JMJD1C: variants seen among roughly 807,000 people sequenced by gnomAD.
JMJD1C encodes jumonji domain-containing protein 1C.
Under a neutral mutation model 245.3 loss-of-function variants are expected in JMJD1C, and 31 were observed. That is an observed-to-expected ratio of 0.13 (90% CI 0.09 to 0.17). JMJD1C has a LOEUF of 0.17. Among genes scored for constraint, JMJD1C ranks in the 10% least tolerant of loss-of-function variants. JMJD1C has a pLI of 1.00. For missense variants in JMJD1C, 2,691 were observed against 3,000.2 expected (o/e 0.90, Z 2.41); for synonymous variants, 1,057 against 1,017.4 (o/e 1.04, Z -0.74).
chr10:63,442,468 T>C (rs1317605082), intron 1 of JMJD1C, among the ~76,000 whole-genome samples: 1 of 152,188 alleles, frequency 6.6e-6, no homozygotes, highest in Non-Finnish European at 1.5e-5. Flanking sequence ...AAGAAGAGAC[T>C]TAGGTCATTA....
intron 24 of JMJD1C, among the ~76,000 whole-genome samples, chr10:63,170,072 T>C (rs1842209019): frequency 6.6e-6 from 1 of 152,208 alleles, no homozygotes; most frequent in Admixed American, 6.5e-5. Context: ...AAAGAACTTT[T>C]GGTATATCTA....
At chr10:63,513,917 G>A (rs1393395285) in intron 1 of JMJD1C, among the ~76,000 whole-genome samples, 2 of 151,498 alleles carry the variant, frequency 1.3e-5, no homozygotes, top group East Asian at 3.9e-4. Context: ...TAGCTCAAAA[G>A]ATAAAATAAA....
Position 63,215,283 on chromosome 10 carries a change from T to C in JMJD1C, c.995A>G (p.Tyr332Cys). Residue 332 changes from tyrosine (Y) to cysteine (C), a missense_variant, in exon 7 of 26, where the codon TAT (tyrosine) becomes TGT (cysteine). This residue lies in a region of JMJD1C where 1,562 missense variants were observed against 1,490.7 expected (regional missense o/e 1.05). Transcript: ENST00000399262. ...PDEEKMKEEK[Y>C]DYISRGENPK... ...CCTACCTCCTCGTGATATATAATCA[T>C]ATTTTTCCTCCTTCATCTTCTCTTC... 6.2e-7 allele frequency: 1 copy of C among 1,613,850 alleles called. No homozygotes were observed. Among genetic ancestry groups the C allele is most frequent in the Non-Finnish European group, 8.5e-7 (1 of 1,179,872 alleles).
At chr10:63,233,290 TTAA>T (rs1850239163) in intron 3 of JMJD1C, among the ~76,000 whole-genome samples, 1 of 152,162 alleles carries the variant, frequency 6.6e-6, no homozygotes, top group African/African-American at 2.4e-5. Context: ...TCACAGCATA[TTAA>T]TAACCTGATT....
At chr10:63,175,375 TTTA>T (rs1232879519) in intron 24 of JMJD1C, among the ~76,000 whole-genome samples, 3 of 152,354 alleles carry the variant, frequency 2.0e-5, no homozygotes, top group African/African-American at 7.2e-5. Context: ...GAAAAAGGTA[TTTA>T]TTATTATGAC....
intron 2 of JMJD1C, among the ~76,000 whole-genome samples, chr10:63,310,416 G>T (rs1343447593): frequency 2.6e-5 from 4 of 152,126 alleles, no homozygotes; most frequent in African/African-American, 7.2e-5. Context: ...TGTTCTATTG[G>T]TGCAAGACAA....
At chr10:63,325,398 TGAG>T (rs1941386987) in intron 2 of JMJD1C, among the ~76,000 whole-genome samples, 1 of 152,260 alleles carries the variant, frequency 6.6e-6, no homozygotes, top group Non-Finnish European at 1.5e-5. Context: ...TGGAGTGCTG[TGAG>T]GAGATCACAG....
At chr10:63,371,145 ATTT>A (rs71025167) in intron 2 of JMJD1C, among the ~76,000 whole-genome samples, 1 of 142,758 alleles carries the variant, frequency 7.0e-6, no homozygotes. Flanking sequence ...CAATAGGCTA[ATTT>A]TTTTTTTTTT....
chr10:63,466,639 C>T (rs891219066), upstream of JMJD1C: 2 of 152,224 alleles, frequency 1.3e-5, no homozygotes, highest in Admixed American at 6.5e-5. Flanking sequence ...TTTCACAAAC[C>T]GTGTCTGCGA....
chr10:63,188,387 G>C (rs1408692776), intron 18 of JMJD1C, among the ~76,000 whole-genome samples: 1 of 152,120 alleles, frequency 6.6e-6, no homozygotes, highest in Admixed American at 6.5e-5. Context: ...TTTTGAAAGG[G>C]ATTAGTAACC....
intron 11 of JMJD1C, among the ~76,000 whole-genome samples, chr10:63,200,275 T>C (rs1845872829): frequency 6.6e-6 from 1 of 152,202 alleles, no homozygotes; most frequent in East Asian, 1.9e-4. Context: ...ACATGAGTAA[T>C]AATGTATGTA....
chr10:63,377,487 C>A (rs1382313702), intron 2 of JMJD1C, among the ~76,000 whole-genome samples: 1 of 152,102 alleles, frequency 6.6e-6, no homozygotes, highest in East Asian at 1.9e-4. Flanking sequence ...GTAATCCCAG[C>A]ACTTTGGGAG....
At chr10:63,396,906 C>T (rs1478857566) in intron 1 of JMJD1C, among the ~76,000 whole-genome samples, 3 of 148,068 alleles carry the variant, frequency 2.0e-5, no homozygotes, top group Admixed American at 6.7e-5. Context: ...ATCACAGCCA[C>T]GTTCAAGAAG....
chr10:63,287,317 T>C (rs1858100930), intron 2 of JMJD1C, among the ~76,000 whole-genome samples: 1 of 152,232 alleles, frequency 6.6e-6, no homozygotes, highest in Admixed American at 6.5e-5. Flanking sequence ...AGAAACTCAG[T>C]AGGAGACAAC....
At chr10:63,327,999 G>A (rs912171897) in intron 2 of JMJD1C, among the ~76,000 whole-genome samples, 2 of 152,020 alleles carry the variant, frequency 1.3e-5, no homozygotes, top group Non-Finnish European at 2.9e-5. Context: ...GTAAGGCTAG[G>A]CGCAGTGGCT....
chr10:63,387,316 T>C (rs1005867555), intron 1 of JMJD1C, among the ~76,000 whole-genome samples: 20 of 151,968 alleles, frequency 1.3e-4, no homozygotes, highest in Admixed American at 9.2e-4. Context: ...ACAGTAATTC[T>C]CCAACAACAG....
At chr10:63,508,704 A>C (rs965618113) in intron 1 of JMJD1C, among the ~76,000 whole-genome samples, 8 of 152,088 alleles carry the variant, frequency 5.3e-5, no homozygotes, top group African/African-American at 1.4e-4. Context: ...ATTTTGTTAG[A>C]TTTATACCTA....
intron 2 of JMJD1C, among the ~76,000 whole-genome samples, chr10:63,336,870 G>T (rs1942789288): frequency 6.6e-6 from 1 of 152,052 alleles, no homozygotes. Flanking sequence ...TTAAGACAGA[G>T]ACTTGCTCTG....
intron 2 of JMJD1C, among the ~76,000 whole-genome samples, chr10:63,375,183 C>CTTTTTTTTTTTT (rs67008681): frequency 2.2e-5 from 2 of 92,924 alleles, no homozygotes; most frequent in Non-Finnish European, 4.1e-5. Flanking sequence ...TAAAAATTGG[C>CTTTTTTTTTTTT]TTTTTTTTTT....
Sources: gnomAD v4.1 joint callset for allele counts (sites outside exome capture counted in the v4.1 genomes callset) on GRCh38, gnomAD v4.1.1 for gene constraint, gnomAD v4.1.1 regional missense constraint, MANE v1.5 for transcripts, NCBI Gene and HGNC (gene_info 2026-07-23, HGNC 2026-07-21) for gene names.